The following STPG2 variants were observed in gnomAD, a reference collection of about 807,000 sequenced individuals.
STPG2 encodes the protein sperm-tail PG-rich repeat-containing protein 2.
Under a neutral mutation model 54.2 loss-of-function variants are expected in STPG2, and 56 were observed. The observed-to-expected ratio is 1.03, with a 90% CI of 0.83 to 1.29. The LOEUF is 1.29. STPG2 is among the 50% of genes most tolerant of loss of function. The probability of loss-of-function intolerance (pLI) is 0.00; values close to 1 mark genes in which losing one functional copy is unlikely to be tolerated. For synonymous variants in STPG2, 200 were observed against 181.8 expected, an observed-to-expected ratio of 1.10 and a Z score of -0.81; for missense variants, 596 against 544.9, an observed-to-expected ratio of 1.09 and a Z score of -0.93.
chr4:97,714,007 G>A (rs984790667), intron 9 of STPG2, among the ~76,000 whole-genome samples: 1 of 152,088 alleles, frequency 6.6e-6, no homozygotes, highest in African/African-American at 2.4e-5. Flanking sequence ...CAGAAGAATG[G>A]TAGTGAATGA....
intron 5 of STPG2, among the ~76,000 whole-genome samples, chr4:98,087,880 A>G (rs906207609): frequency 1.3e-5 from 2 of 152,050 alleles, no homozygotes; most frequent in Admixed American, 1.3e-4. Context: ...CTTTTAATCC[A>G]TCTTGTGTTT....
intron 5 of STPG2, among the ~76,000 whole-genome samples, chr4:98,096,944 T>C (rs1037314072): frequency 1.3e-5 from 2 of 151,970 alleles, no homozygotes; most frequent in Non-Finnish European, 2.9e-5. Context: ...ATCCAAAACC[T>C]GAACAGAACA....
chr4:98,011,704 A>T (rs1398488552), intron 5 of STPG2, among the ~76,000 whole-genome samples: 1 of 152,164 alleles, frequency 6.6e-6, no homozygotes, highest in African/African-American at 2.4e-5. Flanking sequence ...CATTTCTCTA[A>T]TGATCAGTGA....
intron 8 of STPG2, among the ~76,000 whole-genome samples, chr4:97,926,385 C>G (rs1732331455): frequency 6.6e-6 from 1 of 152,132 alleles, no homozygotes; most frequent in Non-Finnish European, 1.5e-5. Flanking sequence ...TCCTTCCCAT[C>G]CAAGAAGGGC....
intron 9 of STPG2, among the ~76,000 whole-genome samples, chr4:97,778,955 G>C (rs1726490834): frequency 6.6e-6 from 1 of 151,996 alleles, no homozygotes; most frequent in Admixed American, 6.6e-5. Flanking sequence ...AAAGATCAAA[G>C]GTAGATAAAA....
intron 10 of STPG2, among the ~76,000 whole-genome samples, chr4:97,641,425 C>CAT (rs58459562): frequency 0.13 from 20,064 of 151,292 alleles, 4,079 homozygotes; most frequent in African/African-American, 0.44. Flanking sequence ...TATGTATACT[C>CAT]ATGCATATAT....
intron 10 of STPG2, among the ~76,000 whole-genome samples, chr4:97,700,479 A>G (rs1002512804): frequency 4.6e-5 from 7 of 152,192 alleles, no homozygotes; most frequent in Admixed American, 1.3e-4. Flanking sequence ...CTTAGAAGGA[A>G]TATCTCAAAA....
chr4:97,571,047 C>G (rs1364688427), intron 10 of STPG2, among the ~76,000 whole-genome samples: 1 of 151,988 alleles, frequency 6.6e-6, no homozygotes, highest in African/African-American at 2.4e-5. Context: ...TTTAAAAATA[C>G]ATGGTTAAAA....
intron 8 of STPG2, among the ~76,000 whole-genome samples, chr4:97,907,240 C>T (rs1399968414): frequency 6.6e-6 from 1 of 150,682 alleles, no homozygotes; most frequent in Admixed American, 6.6e-5. Flanking sequence ...AACAGAGAGC[C>T]AAATCATGAG....
At chr4:97,823,012 A>T (rs1018565864) in intron 9 of STPG2, among the ~76,000 whole-genome samples, 2 of 152,246 alleles carry the variant, frequency 1.3e-5, no homozygotes, top group Non-Finnish European at 1.5e-5. Context: ...AGAAAAGCTG[A>T]ATGCTAGCAG....
Position 98,127,624 on chromosome 4 carries a change from T to C in STPG2, c.387+804A>G, listed in dbSNP as rs532458251. 7.4e-4 allele frequency among the ~76,000 whole-genome samples: 112 copies of C among 152,298 alleles called. 1 individual carries two copies. Among genetic ancestry groups the C allele is most frequent in the South Asian group, 1.5e-3 (7 of 4,826 alleles). The stretch of plus-strand genomic sequence containing the variant: ...ATCTCATTAAAGCACAAAAATACCA[T>C]AGGTTCGAAGTACTATGTATTTCTG... On this transcript the variant is annotated intron_variant, in intron 3 of 10. Transcript: ENST00000295268.
intron 5 of STPG2, among the ~76,000 whole-genome samples, chr4:98,033,356 G>C (rs1369311057): frequency 1.3e-5 from 2 of 152,036 alleles, no homozygotes; most frequent in African/African-American, 4.8e-5. Context: ...AAATCTAGAA[G>C]AAATGGATAA....
At chr4:97,663,670 G>T (rs918414206) in intron 10 of STPG2, among the ~76,000 whole-genome samples, 4 of 152,040 alleles carry the variant, frequency 2.6e-5, no homozygotes, top group African/African-American at 9.7e-5. Context: ...ACAAATCATT[G>T]CCAATCCCAA....
At chr4:98,126,005 C>T (rs969856131) in intron 3 of STPG2, among the ~76,000 whole-genome samples, 1 of 152,206 alleles carries the variant, frequency 6.6e-6, no homozygotes, top group Non-Finnish European at 1.5e-5. Context: ...ACCAGTCTCT[C>T]TGGCACTGGC....
intron 9 of STPG2, among the ~76,000 whole-genome samples, chr4:97,765,813 C>G (rs1245905113): frequency 6.6e-6 from 1 of 152,138 alleles, no homozygotes; most frequent in Admixed American, 6.5e-5. Context: ...CTGGGATGTT[C>G]TATTTGTCAA....
At chr4:98,026,047 C>T (rs1736408874) in intron 5 of STPG2, 1 of 1,068,070 alleles carries the variant, frequency 9.4e-7, no homozygotes, top group African/African-American at 1.6e-5. Flanking sequence ...AGAAACAGTT[C>T]TCTCAATACA....
Position 97,633,015 on chromosome 4 carries a change from C to G in STPG2, c.1321-73898G>C, listed in dbSNP as rs556496091. ...GTAGGTAGGTAGATCAATAGATAGA[C>G]AGAGATAGATATTTCTCCCAAATAT... On this transcript the variant is annotated intron_variant, in intron 10 of 10. Transcript: ENST00000295268. Among the ~76,000 whole-genome samples the G allele has an allele frequency of 1.3e-3, 191 of 152,102 alleles. 1 individual carries two copies. The highest frequency in any genetic ancestry group is 6.8e-3 in the Middle Eastern group (2 of 294).
intron 10 of STPG2, among the ~76,000 whole-genome samples, chr4:97,623,790 C>G (rs1176100772): frequency 1.3e-5 from 2 of 152,102 alleles, no homozygotes; most frequent in Admixed American, 6.6e-5. Context: ...CTTCCTCCCC[C>G]GACACCCCCA....
chr4:98,124,634 G>A (rs1441352048), intron 3 of STPG2, among the ~76,000 whole-genome samples: 1 of 152,046 alleles, frequency 6.6e-6, no homozygotes, highest in Non-Finnish European at 1.5e-5. Flanking sequence ...TTTGACCTTG[G>A]ATAATCTGAT....
Sources: allele counts gnomAD v4.1 joint callset (sites outside exome capture counted in the v4.1 genomes callset), GRCh38; gene constraint gnomAD v4.1.1; transcripts MANE v1.5; gene names NCBI Gene and HGNC (gene_info 2026-07-23, HGNC 2026-07-21).